Variants in SLC14A2 observed in about 807,000 individuals in gnomAD.
SLC14A2 encodes the protein urea transporter 2.
SLC14A2 carries 91 observed loss-of-function variants against 104.6 expected under a neutral mutation model. That is an observed-to-expected ratio of 0.87 (90% CI 0.73 to 1.04). The LOEUF is 1.04. Among genes scored for constraint, SLC14A2 ranks in the 50% least tolerant of loss-of-function variants. SLC14A2 has a pLI of 0.00. For missense variants in SLC14A2, 1,189 were observed against 1,156.0 expected (o/e 1.03, Z -0.41); for synonymous variants, 476 against 466.4 (o/e 1.02, Z -0.27).
intron 2 of SLC14A2, among the ~76,000 whole-genome samples, chr18:45,607,227 A>G (rs1192032491): frequency 1.3e-5 from 2 of 152,190 alleles, no homozygotes; most frequent in Non-Finnish European, 2.9e-5. Flanking sequence ...TTCAAAACCA[A>G]TCCCCAGTCA....
chr18:45,489,100 G>A (rs58706397), intron 2 of SLC14A2, among the ~76,000 whole-genome samples: 22,451 of 152,236 alleles, frequency 0.15, 1,756 homozygotes, highest in Middle Eastern at 0.24. Context: ...TTCGATTCAA[G>A]TGGTGAGAAA....
chr18:45,641,337 A>G lies in SLC14A2; in HGVS notation c.1120A>G (p.Ile374Val), dbSNP rs766449946. Residue 374 changes from isoleucine to valine, a missense_variant, in exon 8 of 20, where the codon ATC becomes GTC. Ile to Val is a conservative substitution (Grantham distance 29). Transcript: ENST00000255226. Reference sequence around the variant, plus strand: ...CTGGCAGACTCACCTGCTGGCCCTCATCTGTGGTAGGTGTTCAGAAAAGCT... The same window carrying G: ...CTGGCAGACTCACCTGCTGGCCCTCGTCTGTGGTAGGTGTTCAGAAAAGCT... ...LTWQTHLLALICALFCAYMEA... is the reference protein window; with the variant it reads ...LTWQTHLLALVCALFCAYMEA... 5 of 1,614,030 alleles carry G rather than the reference A, an allele frequency of 3.1e-6. No homozygotes were observed. The African/African-American group carries it at 4.0e-5, about 13-fold the overall frequency.
Position 45,644,100 on chromosome 18 carries a change from G to A in SLC14A2, c.1291G>A (p.Glu431Lys), listed in dbSNP as rs374059870. ...RLPLSKVTYPEANRIYYLTVK... is the reference protein window; with the variant it reads ...RLPLSKVTYPKANRIYYLTVK... ...CCCACTCAGCAAAGTCACCTACCCCGAGGCCAACCGCATCTACTACCTGAC... is the reference window on the plus strand; with the variant it reads ...CCCACTCAGCAAAGTCACCTACCCCAAGGCCAACCGCATCTACTACCTGAC... The change falls in exon 10 of 20, where the codon GAG becomes AAG. Residue 431 changes from glutamate (E) to lysine (K), a missense_variant. Physicochemically the swap from Glu to Lys is moderately conservative, Grantham distance 56. Coordinates refer to ENST00000255226, the MANE Select transcript of SLC14A2 (RefSeq NM_007163.4). The A allele has an allele frequency of 2.3e-5, 37 of 1,614,178 alleles. No individual in the cohort carries two copies. The highest frequency in any genetic ancestry group is 1.2e-4 in the African/African-American group (9 of 75,042).
intron 1 of SLC14A2, among the ~76,000 whole-genome samples, chr18:45,469,652 G>A (rs1207671052): frequency 1.3e-5 from 2 of 152,158 alleles, no homozygotes; most frequent in Non-Finnish European, 2.9e-5. Flanking sequence ...GGGGGTTGGA[G>A]GCAAAGAAGG....
intron 1 of SLC14A2, among the ~76,000 whole-genome samples, chr18:45,242,777 T>C (rs541947494): frequency 6.6e-6 from 1 of 152,340 alleles, no homozygotes; most frequent in African/African-American, 2.4e-5. Flanking sequence ...AACCCTATTT[T>C]CAAAGAGTGA....
At chr18:45,219,192 C>T (rs752378409) in intron 1 of SLC14A2, among the ~76,000 whole-genome samples, 33 of 152,066 alleles carry the variant, frequency 2.2e-4, no homozygotes, top group Admixed American at 3.3e-4. Context: ...TCATATTATT[C>T]GTTTTAAAAT....
chr18:45,631,118 G>T (rs931432096), intron 4 of SLC14A2, among the ~76,000 whole-genome samples: 8 of 152,190 alleles, frequency 5.3e-5, no homozygotes, highest in Admixed American at 5.2e-4. Flanking sequence ...CTTCTGCCAT[G>T]CAAGAACAGC....
chr18:45,305,346 G>A (rs2085008515), intron 1 of SLC14A2, among the ~76,000 whole-genome samples: 1 of 152,166 alleles, frequency 6.6e-6, no homozygotes, highest in Non-Finnish European at 1.5e-5. Context: ...GTCCATCAGT[G>A]GTCACTGGAT....
chr18:45,377,029 C>T (rs1000992370), intron 1 of SLC14A2, among the ~76,000 whole-genome samples: 2 of 152,166 alleles, frequency 1.3e-5, no homozygotes, highest in Non-Finnish European at 2.9e-5. Flanking sequence ...GTTTACATCA[C>T]TGCCCCCATG....
intron 1 of SLC14A2, among the ~76,000 whole-genome samples, chr18:45,241,639 C>CTTT (rs370878349): frequency 1.4e-4 from 16 of 118,038 alleles, no homozygotes; most frequent in Admixed American, 3.5e-4. Context: ...TTTCTTTTCT[C>CTTT]TTTTTTTTTT....
In SLC14A2 at chr18:45,680,465, C is replaced by G. The variant is rs985726369; in HGVS notation, c.2562+1441C>G. Among the ~76,000 whole-genome samples, 9 of 152,162 alleles carry G rather than the reference C, an allele frequency of 5.9e-5. No individual in the cohort carries two copies. The East Asian group carries it at 1.7e-3, about 29-fold the overall frequency. ...TAAAAAAGTACAGGCTATTAACTCA[C>G]TTTAAAGGAATTTCCCACAATGTCA... is the stretch of plus-strand genomic sequence containing the variant. On this transcript the variant is annotated intron_variant, in intron 19 of 19. Coordinates refer to ENST00000255226, the MANE Select transcript of SLC14A2 (RefSeq NM_007163.4).
At position 45,648,487 on chromosome 18, in the gene SLC14A2, G is replaced by A. The variant is rs1285931585; in HGVS notation, c.1351+4327G>A. The stretch of plus-strand genomic sequence containing the variant: ...CCCAAGGTGCTGGGATTACAGGCAT[G>A]AGCCACCACGCCCGGCCTAGTTAAT... On this transcript the variant is annotated intron_variant, in intron 10 of 19. Transcript: ENST00000255226. Among the ~76,000 whole-genome samples, 6 of 152,284 alleles carry A rather than the reference G, an allele frequency of 3.9e-5. No individual in the cohort carries two copies. In the East Asian group the frequency reaches 1.2e-3, roughly 29 times the overall value.
chr18:45,598,832 T>C (rs1480953818), intron 2 of SLC14A2, among the ~76,000 whole-genome samples: 6 of 152,346 alleles, frequency 3.9e-5, no homozygotes, highest in African/African-American at 1.4e-4. Flanking sequence ...ATCTTTCAGC[T>C]GCCTTCAGGC....
chr18:45,269,594 A>T (rs1196223111), intron 1 of SLC14A2, among the ~76,000 whole-genome samples: 1 of 152,174 alleles, frequency 6.6e-6, no homozygotes, highest in Non-Finnish European at 1.5e-5. Flanking sequence ...AAATGCCTGC[A>T]GTCCAGACTT....
At chr18:45,622,057 C>T (rs1174750651) in intron 1 of SLC14A2, among the ~76,000 whole-genome samples, 2 of 152,174 alleles carry the variant, frequency 1.3e-5, no homozygotes, top group Non-Finnish European at 2.9e-5. Context: ...CCTTGCACAC[C>T]CTGTCAAAGA....
chr18:45,627,035 A>C lies in SLC14A2; in HGVS notation c.409A>C (p.Ser137Arg). Residue 137 changes from serine to arginine, a missense_variant, in exon 4 of 20, where the codon AGC becomes CGC. By Grantham distance (110) the Ser-to-Arg change is moderately radical (BLOSUM62 -1). Transcript: ENST00000255226. ...GGTGATGTTCATCAACAATCCTCTC[A>C]GCGGCCTCATCATCTTCATAGGGCT... ...AQVMFINNPL[S>R]GLIIFIGLLI... The C allele has an allele frequency of 6.2e-7, 1 of 1,613,508 alleles. No individual in the cohort carries two copies. The highest frequency in any genetic ancestry group is 8.5e-7 in the Non-Finnish European group (1 of 1,179,974).
chr18:45,231,955 C>T (rs2144022712), intron 1 of SLC14A2, among the ~76,000 whole-genome samples: 1 of 151,870 alleles, frequency 6.6e-6, no homozygotes, highest in Non-Finnish European at 1.5e-5. Flanking sequence ...TGGGAAGAAG[C>T]AACTGATGAA....
chr18:45,314,896 G>A (rs1015115405), intron 1 of SLC14A2, among the ~76,000 whole-genome samples: 1 of 152,234 alleles, frequency 6.6e-6, no homozygotes, highest in African/African-American at 2.4e-5. Flanking sequence ...CCTGCCTTCT[G>A]ATGCATCACA....
intron 1 of SLC14A2, among the ~76,000 whole-genome samples, chr18:45,452,051 T>G (rs746894300): frequency 6.6e-6 from 1 of 151,426 alleles, no homozygotes; most frequent in Non-Finnish European, 1.5e-5. Context: ...ATATGGGGGG[T>G]ACTCAAGAGT....
Sources: gnomAD v4.1 joint callset for allele counts (sites outside exome capture counted in the v4.1 genomes callset) on GRCh38, gnomAD v4.1.1 for gene constraint, MANE v1.5 for transcripts, NCBI Gene and HGNC (gene_info 2026-07-23, HGNC 2026-07-21) for gene names.